MEGF9: variants seen among roughly 807,000 people sequenced by gnomAD.
MEGF9 encodes the protein multiple epidermal growth factor-like domains protein 9.
MEGF9 carries 6 observed loss-of-function variants against 46.8 expected under a neutral mutation model. The ratio of observed to expected loss-of-function variants is 0.13; its 90% CI spans 0.07 to 0.25. The LOEUF (loss-of-function observed/expected upper bound fraction) is 0.25, where lower values mean the gene tolerates loss of function less well. MEGF9 is among the 10% of genes least tolerant of loss of function. MEGF9 has a pLI of 1.00. For missense variants in MEGF9, 683 were observed against 792.4 expected, an observed-to-expected ratio of 0.86 and a Z score of 1.66; for synonymous variants, 302 against 330.7, an observed-to-expected ratio of 0.91 and a Z score of 0.94.
rs77259272 is a variant in MEGF9, at chr9:120,636,436, T to G, written c.804-13681A>C. Among the ~76,000 whole-genome samples the G allele has an allele frequency of 4.5e-4, 69 of 152,334 alleles. No individual in the cohort carries two copies. The East Asian group carries it at 0.013, about 28-fold the overall frequency. ...TCTCAGTGGCATAGGCTGTACACATTTGTGACAGTGGTGGCCAGAAATTCA... is the reference window on the plus strand; with the variant it reads ...TCTCAGTGGCATAGGCTGTACACATGTGTGACAGTGGTGGCCAGAAATTCA... On this transcript the variant is annotated intron_variant, in intron 2 of 5. Transcript: ENST00000373930.
At chr9:120,611,865 A>AGAAAGAGAGAGAG (rs572613293) in intron 4 of MEGF9, among the ~76,000 whole-genome samples, 1 of 137,154 alleles carries the variant, frequency 7.3e-6, no homozygotes, top group African/African-American at 3.0e-5. Flanking sequence ...GGAAGGAAGA[A>AGAAAGAGAGAGAG]AGAGAGAGAG....
At chr9:120,620,031 C>T (rs1206284816) in intron 3 of MEGF9, among the ~76,000 whole-genome samples, 2 of 152,208 alleles carry the variant, frequency 1.3e-5, no homozygotes, top group Non-Finnish European at 2.9e-5. Context: ...TGCACTCCTT[C>T]ACGTTGGATT....
intron 2 of MEGF9, among the ~76,000 whole-genome samples, chr9:120,634,496 C>T (rs1362360817): frequency 1.0e-5 from 1 of 95,704 alleles, no homozygotes; most frequent in Non-Finnish European, 1.8e-5. Flanking sequence ...TCGCTGTCGC[C>T]CAGGCTGGAG....
In MEGF9 at chr9:120,659,524, T is replaced by C. The variant is rs1239703443; in HGVS notation, c.653A>G (p.Asn218Ser). The change falls in exon 2 of 6, where the codon AAC becomes AGC. Residue 218 changes from asparagine (N) to serine (S), a missense_variant. Coordinates refer to ENST00000373930, the MANE Select transcript of MEGF9 (RefSeq NM_001080497.3). ...VVGSLNVNRC[N>S]QTTGQCECRP... ...ACACTCACACTGCCCTGTGGTCTGG[T>C]TGCAGCGATTCACATTCAGGCTTCC... 7 of 1,613,502 alleles carry C rather than the reference T, an allele frequency of 4.3e-6. No homozygotes were observed. Among genetic ancestry groups the C allele is most frequent in the Admixed American group, 3.3e-5 (2 of 59,944 alleles).
Position 120,601,203 on chromosome 9 carries a change from GA to G in MEGF9, c.*3986del, listed in dbSNP as rs1169195271. The G allele has an allele frequency of 6.6e-5, 10 of 152,464 alleles. No individual in the cohort carries two copies. Among genetic ancestry groups the G allele is most frequent in the African/African-American group, 2.4e-4 (10 of 41,508 alleles). 9.4% of individuals were successfully genotyped at this position (152,464 alleles called of 1,614,324 possible). A position where few individuals can be genotyped will look rare whatever the true frequency, so the allele number is the denominator to read the frequency against. On this transcript the variant is annotated 3_prime_UTR_variant, in exon 6 of 6. Transcript: ENST00000373930. Reference sequence around the variant, plus strand: ...TTGACTTTAAATCATTTAGCTTTTGGACTAACTTAGATCTGAAGCCCTGGGC... The same window carrying G: ...TTGACTTTAAATCATTTAGCTTTTGGCTAACTTAGATCTGAAGCCCTGGGC...
intron 1 of MEGF9, among the ~76,000 whole-genome samples, chr9:120,686,480 A>G (rs565436986): frequency 3.9e-5 from 6 of 152,340 alleles, no homozygotes; most frequent in African/African-American, 1.4e-4. Flanking sequence ...CAAACTGTAC[A>G]CTTAAAAATG....
intron 3 of MEGF9, among the ~76,000 whole-genome samples, chr9:120,614,254 C>T (rs72755752): frequency 1.3e-5 from 2 of 152,284 alleles, no homozygotes; most frequent in South Asian, 2.1e-4. Context: ...AACTTCTGAC[C>T]TCAAGTGATG....
At chr9:120,622,417 C>CTTTTTTTTTTTTTTTTTTTTTTTTT (rs59380409) in intron 3 of MEGF9, among the ~76,000 whole-genome samples, 199 bp downstream of exon 3, 19 of 101,178 alleles carry the variant, frequency 1.9e-4, no homozygotes, top group Non-Finnish European at 2.9e-4. Context: ...AGGTATATGA[C>CTTTTTTTTTTTTTTTTTTTTTTTTT]TTTTTTTTTT....
intron 1 of MEGF9, among the ~76,000 whole-genome samples, chr9:120,677,595 G>A (rs1338225508): frequency 6.6e-6 from 1 of 152,186 alleles, no homozygotes; most frequent in Non-Finnish European, 1.5e-5. Context: ...ACTGTTCAAA[G>A]CCAAAGACAC....
At chr9:120,698,593 T>C (rs2132342090) in intron 1 of MEGF9, among the ~76,000 whole-genome samples, 1 of 152,368 alleles carries the variant, frequency 6.6e-6, no homozygotes, top group East Asian at 1.9e-4. Context: ...TGACGGAAGT[T>C]GGTAAATTAA....
At chr9:120,701,374 T>C (rs2043904349) in intron 1 of MEGF9, among the ~76,000 whole-genome samples, 1 of 152,208 alleles carries the variant, frequency 6.6e-6, no homozygotes, top group Admixed American at 6.5e-5. Context: ...ATTTAGTAAA[T>C]AAAGGTTATT....
intron 1 of MEGF9, among the ~76,000 whole-genome samples, chr9:120,707,308 G>A (rs1307399241): frequency 6.6e-6 from 1 of 152,122 alleles, no homozygotes; most frequent in East Asian, 1.9e-4. Context: ...CTCACTTGGT[G>A]GCAAATATCT....
chr9:120,606,187 A>T (rs867538442), intron 5 of MEGF9, among the ~76,000 whole-genome samples: 1 of 152,014 alleles, frequency 6.6e-6, no homozygotes, highest in Admixed American at 6.6e-5. Flanking sequence ...AAAAAAAAAA[A>T]AAATCTTTGG....
chr9:120,628,443 TATTCAG>T (rs1361714599), intron 2 of MEGF9, among the ~76,000 whole-genome samples: 1 of 150,640 alleles, frequency 6.6e-6, no homozygotes, highest in Non-Finnish European at 1.5e-5. Flanking sequence ...AGGAAATCCA[TATTCAG>T]ACAGAAATTC....
intron 1 of MEGF9, among the ~76,000 whole-genome samples, chr9:120,699,590 G>A (rs1253540223): frequency 6.6e-6 from 1 of 150,928 alleles, no homozygotes; most frequent in Non-Finnish European, 1.5e-5. Context: ...GAGCATGGTG[G>A]CACATGCCTG....
intron 1 of MEGF9, among the ~76,000 whole-genome samples, chr9:120,697,990 C>G (rs147754698): frequency 6.6e-6 from 1 of 152,138 alleles, no homozygotes; most frequent in African/African-American, 2.4e-5. Context: ...AAAAGGGGCA[C>G]AGATTTGAGT....
Position 120,713,991 on chromosome 9 carries a change from G to A in MEGF9, c.368C>T (p.Ser123Leu), listed in dbSNP as rs761007594. ...TTCCGCCGCCGGAGGGGTGGTCGGC[G>A]AGGGGCCGAGCGGCGCCTGAAAGGT... ...STTFQAPLGP[S>L]PTTPPAAERT... is the part of the protein sequence containing the mutation. Residue 123 changes from serine to leucine, a missense_variant, in exon 1 of 6, where the codon TCG becomes TTG. By Grantham distance (145) the Ser-to-Leu change is moderately radical. Coordinates refer to ENST00000373930, the MANE Select transcript of MEGF9 (RefSeq NM_001080497.3). The A allele has an allele frequency of 1.2e-5, 16 of 1,388,566 alleles. No homozygotes were observed. The East Asian group carries it at 3.6e-4, about 31-fold the overall frequency. The allele number at this position is 1,388,566 out of a possible 1,614,324, so 86.0% of individuals were successfully genotyped here.
rs1296439833 is a variant in MEGF9, at chr9:120,604,037, T to C, written c.*1153A>G. On this transcript the variant is annotated 3_prime_UTR_variant, in exon 6 of 6. Coordinates refer to ENST00000373930, the MANE Select transcript of MEGF9 (RefSeq NM_001080497.3). ...AAAAACATTTTTTAATGAGGATATG[T>C]TTTATATTAATCTATGTAAAATATA... 1.3e-5 allele frequency: 2 copies of C among 152,668 alleles called. No homozygotes were observed. Among genetic ancestry groups the C allele is most frequent in the Non-Finnish European group, 2.9e-5 (2 of 68,032 alleles). The allele number at this position is 152,668 out of a possible 1,614,324, so 9.5% of individuals were successfully genotyped here.
rs796605072 is a variant in MEGF9 at position 120,714,327 on chromosome 9, C to A, written c.32G>T (p.Ser11Ile). The A allele has an allele frequency of 1.1e-5, 15 of 1,346,172 alleles. No homozygotes were observed. The African/African-American group carries it at 2.0e-4, about 18-fold the overall frequency. The allele number at this position is 1,346,172 out of a possible 1,614,324, so 83.4% of individuals were successfully genotyped here. MNGGAERAMR[S>I]LPSLGGLALL... The stretch of plus-strand genomic sequence containing the variant: ...GGCGAGGCCGCCCAGGCTCGGCAGG[C>A]TCCTCATGGCGCGCTCGGCTCCGCC... The change falls in exon 1 of 6, where the codon AGC becomes ATC. Residue 11 changes from serine to isoleucine, a missense_variant. Ser to Ile is a moderately radical substitution (Grantham distance 142). Coordinates refer to ENST00000373930, the MANE Select transcript of MEGF9 (RefSeq NM_001080497.3).
Sources: allele counts gnomAD v4.1 joint callset (sites outside exome capture counted in the v4.1 genomes callset), GRCh38; gene constraint gnomAD v4.1.1; transcripts MANE v1.5; gene names NCBI Gene and HGNC (gene_info 2026-07-23, HGNC 2026-07-21).